The following GSG1L variants were observed in gnomAD, a reference collection of about 807,000 sequenced individuals.
GSG1L encodes the protein germ cell-specific gene 1-like protein.
GSG1L carries 24 observed loss-of-function variants against 42.1 expected under a neutral mutation model. That is an observed-to-expected ratio of 0.57 (90% CI 0.41 to 0.80). GSG1L has a LOEUF of 0.80. GSG1L is among the 30% of genes least tolerant of loss of function. The probability of loss-of-function intolerance (pLI) is 0.00; values close to 1 mark genes in which losing one functional copy is unlikely to be tolerated. For missense variants in GSG1L, 445 were observed against 472.2 expected (o/e 0.94, Z 0.53); for synonymous variants, 215 against 203.5 (o/e 1.06, Z -0.48).
chr16:27,854,188 A>T, intron 3 of GSG1L, among the ~76,000 whole-genome samples: 2 of 130,028 alleles, frequency 1.5e-5, no homozygotes, highest in Non-Finnish European at 3.2e-5. Context: ...GAGGAAGAGG[A>T]GGAGGGGAAG....
chr16:28,058,750 C>A (rs1227418553), intron 1 of GSG1L, among the ~76,000 whole-genome samples: 1 of 152,070 alleles, frequency 6.6e-6, no homozygotes. Context: ...CTCCCAAGCA[C>A]CAAAAACCTC....
At chr16:27,826,856 G>A (rs1029160789) in intron 5 of GSG1L, among the ~76,000 whole-genome samples, 1 of 152,228 alleles carries the variant, frequency 6.6e-6, no homozygotes, top group Non-Finnish European at 1.5e-5. Flanking sequence ...TTCATGAACT[G>A]TGAGTACTGA....
chr16:27,945,268 G>A (rs2084849111), intron 2 of GSG1L, among the ~76,000 whole-genome samples: 1 of 152,046 alleles, frequency 6.6e-6, no homozygotes, highest in Non-Finnish European at 1.5e-5. Flanking sequence ...CAGGCAAATT[G>A]AATGGAAGTG....
chr16:27,799,546 A>AAAAAC lies in GSG1L; in HGVS notation c.898+7936_898+7940dup, dbSNP rs928998164. Among the ~76,000 whole-genome samples, 27 of 152,286 alleles carry AAAAAC rather than the reference A, an allele frequency of 1.8e-4. No individual in the cohort carries two copies. The East Asian group carries it at 2.5e-3, about 14-fold the overall frequency. On this transcript the variant is annotated intron_variant, in intron 6 of 6. Coordinates refer to ENST00000447459, the MANE Select transcript of GSG1L (RefSeq NM_001109763.2). ...GGTGACAGAGCACAACCTTATCTCAAAAAACAAAACAAAACAAAACAAAAA... is the reference window on the plus strand; with the variant it reads ...GGTGACAGAGCACAACCTTATCTCAAAAAACAAAACAAAACAAAACAAAACAAAAA...
chr16:27,893,105 G>A lies in GSG1L; in HGVS notation c.398-8467C>T, dbSNP rs117146681. Reference sequence around the variant, plus strand: ...CAAGTCTCCGAAACTTGCGCTAATGGTTCAATTTGCGGCAGAGAACAGGTG... The same window carrying A: ...CAAGTCTCCGAAACTTGCGCTAATGATTCAATTTGCGGCAGAGAACAGGTG... On this transcript the variant is annotated intron_variant, in intron 2 of 6. Coordinates refer to ENST00000447459, the MANE Select transcript of GSG1L (RefSeq NM_001109763.2). Among the ~76,000 whole-genome samples the A allele has an allele frequency of 1.7e-3, 258 of 152,268 alleles. 1 individual carries two copies. The highest frequency in any genetic ancestry group is 3.1e-3 in the Non-Finnish European group (213 of 68,022).
chr16:27,967,143 G>A (rs1023462089), intron 1 of GSG1L, among the ~76,000 whole-genome samples: 16 of 152,196 alleles, frequency 1.1e-4, no homozygotes, highest in Non-Finnish European at 2.2e-4. Context: ...GAGTCAAAAC[G>A]ATCTAGAAGC....
intron 5 of GSG1L, among the ~76,000 whole-genome samples, chr16:27,824,889 G>A (rs1471073481): frequency 1.3e-5 from 2 of 152,252 alleles, no homozygotes; most frequent in Non-Finnish European, 2.9e-5. Flanking sequence ...TAATGGGGCA[G>A]CTTTGGACAT....
intron 1 of GSG1L, among the ~76,000 whole-genome samples, chr16:28,010,347 G>A (rs868086898): frequency 6.6e-6 from 1 of 152,220 alleles, no homozygotes. Context: ...GCAGAGGCAG[G>A]TTAGGGTTAG....
chr16:27,920,222 G>A (rs1292174471), intron 2 of GSG1L, among the ~76,000 whole-genome samples: 3 of 120,752 alleles, frequency 2.5e-5, no homozygotes, highest in East Asian at 2.0e-4. Flanking sequence ...ACAATGTCTG[G>A]TGTGGGCGAA....
In GSG1L at chr16:28,041,481, G is replaced by T. The variant is rs58248925; in HGVS notation, c.349+21595C>A. Among the ~76,000 whole-genome samples the T allele has an allele frequency of 6.8e-3, 1,034 of 152,204 alleles. 8 individuals are homozygous for T. Among genetic ancestry groups the T allele is most frequent in the African/African-American group, 0.021 (856 of 41,516 alleles). ...AGAAAAAAAAAAGATACTATATCCG[G>T]ATGGAGTGCCTGATATAATTCTAAT... is the stretch of plus-strand genomic sequence containing the variant. On this transcript the variant is annotated intron_variant, in intron 1 of 6. Transcript: ENST00000447459.
intron 3 of GSG1L, among the ~76,000 whole-genome samples, chr16:27,859,103 C>T (rs1046179731): frequency 3.9e-5 from 6 of 152,208 alleles, no homozygotes; most frequent in Admixed American, 2.0e-4. Context: ...TGAGGAGCCA[C>T]GAGACGGTCT....
chr16:27,916,323 T>TA lies in GSG1L; in HGVS notation c.398-31686_398-31685insT, dbSNP rs1249925224. Among the ~76,000 whole-genome samples the TA allele has an allele frequency of 3.4e-5, 5 of 147,162 alleles. No individual in the cohort carries two copies. In the South Asian group the frequency reaches 8.7e-4, roughly 26 times the overall value. ...TCTTTCTAAATTTTATGTATTTATA[T>TA]TTTTTTTTTAGAGACAGAGTCTTGC... On this transcript the variant is annotated intron_variant, in intron 2 of 6. Coordinates refer to ENST00000447459, the MANE Select transcript of GSG1L (RefSeq NM_001109763.2).
chr16:27,858,234 C>A (rs1470143245), intron 3 of GSG1L, among the ~76,000 whole-genome samples: 1 of 152,180 alleles, frequency 6.6e-6, no homozygotes, highest in Non-Finnish European at 1.5e-5. Context: ...CCTTGACAAC[C>A]GTCCAGAGAG....
chr16:28,044,598 T>C (rs2086142277), intron 1 of GSG1L, among the ~76,000 whole-genome samples: 2 of 148,978 alleles, frequency 1.3e-5, no homozygotes, highest in Non-Finnish European at 3.0e-5. Context: ...TATCAAGCCA[T>C]GAAAAGACAT....
At chr16:28,054,708 GCT>G (rs2086260583) in intron 1 of GSG1L, among the ~76,000 whole-genome samples, 1 of 151,698 alleles carries the variant, frequency 6.6e-6, no homozygotes, top group African/African-American at 2.4e-5. Flanking sequence ...ACAACTGGGG[GCT>G]GGGAACTCAA....
chr16:28,005,508 A>AG (rs1403824523), intron 1 of GSG1L, among the ~76,000 whole-genome samples: 3 of 152,172 alleles, frequency 2.0e-5, no homozygotes, highest in Non-Finnish European at 2.9e-5. Context: ...ATATTGGATT[A>AG]GGGCTCACCC....
intron 5 of GSG1L, among the ~76,000 whole-genome samples, chr16:27,824,960 T>A (rs1453025381): frequency 6.6e-6 from 1 of 152,260 alleles, no homozygotes; most frequent in Non-Finnish European, 1.5e-5. Context: ...CCCTGTGCCA[T>A]GCTGGGCATT....
chr16:28,054,995 C>T (rs1358705532), intron 1 of GSG1L, among the ~76,000 whole-genome samples: 2 of 152,144 alleles, frequency 1.3e-5, no homozygotes, highest in Admixed American at 1.3e-4. Flanking sequence ...GCCCCCTACT[C>T]CTTCCTCACG....
chr16:27,885,084 A>G (rs185375526), intron 2 of GSG1L, among the ~76,000 whole-genome samples: 36 of 152,296 alleles, frequency 2.4e-4, no homozygotes, highest in Admixed American at 2.2e-3. Context: ...TTGTTAGGCC[A>G]GTTAGTGAGA....
Sources: allele counts gnomAD v4.1 joint callset (sites outside exome capture counted in the v4.1 genomes callset), GRCh38; gene constraint gnomAD v4.1.1; transcripts MANE v1.5; gene names NCBI Gene and HGNC (gene_info 2026-07-23, HGNC 2026-07-21).